NDUFV3: variants seen among roughly 807,000 people sequenced by gnomAD.
The protein encoded by NDUFV3 is NADH:ubiquinone oxidoreductase subunit V3, also known as NADH dehydrogenase [ubiquinone] flavoprotein 3, mitochondrial.
In NDUFV3, 44 loss-of-function variants were observed where a neutral mutation model predicts 37.5. That is an observed-to-expected ratio of 1.17 (90% CI 0.92 to 1.51). The LOEUF (loss-of-function observed/expected upper bound fraction) is 1.51, where lower values mean the gene tolerates loss of function less well. Ranked by LOEUF, NDUFV3 falls within the 40% of genes most tolerant of loss-of-function variation. NDUFV3 has a pLI of 0.00. For synonymous variants in NDUFV3, 235 were observed against 239.3 expected (o/e 0.98, Z 0.17); for missense variants, 580 against 580.4 (o/e 1.00, Z 0.01).
chr21:42,912,288 T>C lies in NDUFV3; in HGVS notation c.*3267T>C, dbSNP rs968622260. 4 of 152,184 alleles carry C rather than the reference T, an allele frequency of 2.6e-5. No homozygotes were observed. The highest frequency in any genetic ancestry group is 5.9e-5 in the Non-Finnish European group (4 of 68,028). 9.4% of individuals were successfully genotyped at this position (152,184 alleles called of 1,614,324 possible). A position where few individuals can be genotyped will look rare whatever the true frequency, so the allele number is the denominator to read the frequency against. On this transcript the variant is annotated 3_prime_UTR_variant, in exon 4 of 4. Transcript: ENST00000354250. ...AGAACTAGTCCTGTTGGGCTAGTCT[T>C]TCTGGGATTTTGGTTTACTCTCCTC...
rs10583572 is a variant in NDUFV3 at position 42,905,863 on chromosome 21, A to AT, written c.1264+1604dup. 3.0e-3 allele frequency among the ~76,000 whole-genome samples: 401 copies of AT among 132,926 alleles called. 2 individuals carry two copies. The highest frequency in any genetic ancestry group is 4.8e-3 in the East Asian group (21 of 4,342). The allele number at this position is 132,926 out of a possible 152,430, so 87.2% of individuals were successfully genotyped here. On this transcript the variant is annotated intron_variant, in intron 3 of 3. Transcript: ENST00000354250. ...CAGTATTTATTCCTATGATGTTACCATTTTTTTTTTTTTTTTTGGAGATGG... is the reference window on the plus strand; with the variant it reads ...CAGTATTTATTCCTATGATGTTACCATTTTTTTTTTTTTTTTTTGGAGATGG...
At chr21:42,904,837 C>T (rs2058734683) in intron 3 of NDUFV3, among the ~76,000 whole-genome samples, 1 of 149,864 alleles carries the variant, frequency 6.7e-6, no homozygotes, top group South Asian at 2.1e-4. Flanking sequence ...CATCTCCAGG[C>T]TGGAGTGTAA....
At chr21:42,894,232 C>T (rs188798096) in intron 1 of NDUFV3, among the ~76,000 whole-genome samples, 1 of 137,868 alleles carries the variant, frequency 7.3e-6, no homozygotes, top group East Asian at 2.0e-4. Flanking sequence ...GCTAAGACCA[C>T]TTCACTCTCT....
rs777733176 is a variant in NDUFV3 at position 42,904,246 on chromosome 21, G to A, written c.1234G>A (p.Ala412Thr). 14 of 1,609,130 alleles carry A rather than the reference G, an allele frequency of 8.7e-6. No individual in the cohort carries two copies. In the East Asian group the frequency reaches 8.9e-5, roughly 10 times the overall value. ...AEGEAMEDAAAPGDDRGGTQE... is the reference protein window; with the variant it reads ...AEGEAMEDAATPGDDRGGTQE... ...GGGCGAGGCCATGGAAGATGCAGCC[G>A]CGCCAGGGGACGACCGAGGCGGCAC... The change falls in exon 3 of 4, where the codon GCG (alanine) becomes ACG (threonine). Residue 412 changes from alanine to threonine, a missense_variant. Coordinates refer to ENST00000354250, the MANE Select transcript of NDUFV3 (RefSeq NM_021075.4).
chr21:42,906,437 G>C (rs961773789), intron 3 of NDUFV3, among the ~76,000 whole-genome samples: 2 of 152,110 alleles, frequency 1.3e-5, no homozygotes, highest in Admixed American at 1.3e-4. Flanking sequence ...CTCTCCGTCT[G>C]CTCTTTGATC....
At chr21:42,900,339 C>T (rs1256577004) in intron 2 of NDUFV3, among the ~76,000 whole-genome samples, 2 of 151,624 alleles carry the variant, frequency 1.3e-5, no homozygotes, top group East Asian at 3.9e-4. Flanking sequence ...CCTGTCTCTA[C>T]TAAAAATACA....
intron 1 of NDUFV3, among the ~76,000 whole-genome samples, chr21:42,896,718 A>G (rs1313885980): frequency 2.0e-5 from 3 of 152,082 alleles, no homozygotes; most frequent in Non-Finnish European, 4.4e-5. Context: ...CAGGCATGGT[A>G]GTATGTGCCT....
At position 42,894,334 on chromosome 21, in the gene NDUFV3, T is replaced by TTA. The variant is rs1228361133; in HGVS notation, c.48+961_48+962dup. Among the ~76,000 whole-genome samples, 3 of 51,864 alleles carry TTA rather than the reference T, an allele frequency of 5.8e-5. 1 individual carries two copies. The Admixed American group carries it at 6.5e-4, about 11-fold the overall frequency. 34.0% of individuals were successfully genotyped at this position (51,864 alleles called of 152,430 possible). A position where few individuals can be genotyped will look rare whatever the true frequency, so the allele number is the denominator to read the frequency against. ...GTGTATATATATATATAAATACATA[T>TTA]TATATATATTATATATAAATATATA... is the stretch of plus-strand genomic sequence containing the variant. On this transcript the variant is annotated intron_variant, in intron 1 of 3. Transcript: ENST00000354250.
intron 1 of NDUFV3, among the ~76,000 whole-genome samples, chr21:42,894,358 T>C (rs2058674051): frequency 2.5e-5 from 1 of 40,018 alleles, no homozygotes; most frequent in Non-Finnish European, 4.0e-5. Context: ...TATAAATATA[T>C]ATTATATATA....
intron 3 of NDUFV3, 136 bp downstream of exon 3, chr21:42,904,412 C>T: frequency 1.7e-6 from 2 of 1,162,862 alleles, no homozygotes; most frequent in Non-Finnish European, 2.5e-6. Flanking sequence ...GTAACGCTGT[C>T]TCAGCCAGGC....
intron 3 of NDUFV3, chr21:42,906,745 A>G: frequency 2.4e-6 from 1 of 422,726 alleles, no homozygotes; most frequent in South Asian, 1.7e-5. Context: ...CTGGCCTTCC[A>G]GGTAGAGTGG....
Position 42,913,055 on chromosome 21 carries a change from C to T in NDUFV3, c.*4034C>T, listed in dbSNP as rs2058777482. The T allele has an allele frequency of 6.6e-6, 1 of 152,202 alleles. No individual in the cohort carries two copies. Among genetic ancestry groups the T allele is most frequent in the African/African-American group, 2.4e-5 (1 of 41,442 alleles). 9.4% of individuals were successfully genotyped at this position (152,202 alleles called of 1,614,324 possible). A position where few individuals can be genotyped will look rare whatever the true frequency, so the allele number is the denominator to read the frequency against. ...CTCCAGCCTGGGCGACAGAGCAAGA[C>T]TCCGTCTCAAAAAATAAATTAATTA... is the stretch of plus-strand genomic sequence containing the variant. On this transcript the variant is annotated 3_prime_UTR_variant, in exon 4 of 4. Coordinates refer to ENST00000354250, the MANE Select transcript of NDUFV3 (RefSeq NM_021075.4).
chr21:42,896,704 T>C (rs2058693004), intron 1 of NDUFV3, among the ~76,000 whole-genome samples: 2 of 152,032 alleles, frequency 1.3e-5, no homozygotes, highest in African/African-American at 4.8e-5. Flanking sequence ...TAAAAAATAT[T>C]AGCCAGGCAT....
Position 42,900,319 on chromosome 21 carries a change from T to G in NDUFV3, c.170-2863T>G, listed in dbSNP as rs547078326. ...GAGTTCGAGAACAGCCTGGCCAATATGGTGAAACCCCTGTCTCTACTAAAA... is the reference window on the plus strand; with the variant it reads ...GAGTTCGAGAACAGCCTGGCCAATAGGGTGAAACCCCTGTCTCTACTAAAA... On this transcript the variant is annotated intron_variant, in intron 2 of 3. Transcript: ENST00000354250. 6.3e-4 allele frequency among the ~76,000 whole-genome samples: 96 copies of G among 152,124 alleles called. 1 individual carries two copies. In the South Asian group the frequency reaches 0.018, roughly 29 times the overall value.
At position 42,897,530 on chromosome 21, in the gene NDUFV3, C is replaced by T. The variant is rs536774525; in HGVS notation, c.169+483C>T. 1.6e-4 allele frequency among the ~76,000 whole-genome samples: 25 copies of T among 152,240 alleles called. No homozygotes were observed. The East Asian group carries it at 1.7e-3, about 11-fold the overall frequency. On this transcript the variant is annotated intron_variant, in intron 2 of 3. Coordinates refer to ENST00000354250, the MANE Select transcript of NDUFV3 (RefSeq NM_021075.4). ...CTGGGACTACAGGCATGTGCCACCA[C>T]GTCTGGCTAATTTTTTGTATTTTTA...
rs112072653 is a variant in NDUFV3 at position 42,902,535 on chromosome 21, T to A, written c.170-647T>A. Reference sequence around the variant, plus strand: ...AAGCAGAAAAGAGATTCAGGAAATTTGAGTTCTATTTTGAGGTGACAGGGA... The same window carrying A: ...AAGCAGAAAAGAGATTCAGGAAATTAGAGTTCTATTTTGAGGTGACAGGGA... On this transcript the variant is annotated intron_variant, in intron 2 of 3. Coordinates refer to ENST00000354250, the MANE Select transcript of NDUFV3 (RefSeq NM_021075.4). Among the ~76,000 whole-genome samples, 406 of 152,316 alleles carry A rather than the reference T, an allele frequency of 2.7e-3. 4 individuals carry two copies. The highest frequency in any genetic ancestry group is 9.1e-3 in the African/African-American group (380 of 41,568).
Position 42,903,203 on chromosome 21 carries a change from G to A in NDUFV3, c.191G>A (p.Arg64Lys), listed in dbSNP as rs1477108407. 2 of 1,614,154 alleles carry A rather than the reference G, an allele frequency of 1.2e-6. No individual in the cohort carries two copies. Among genetic ancestry groups the A allele is most frequent in the Non-Finnish European group, 1.7e-6 (2 of 1,180,040 alleles). ...PPKNVVEPKE[R>K]GKLLATQTAA... is the part of the protein sequence containing the mutation. ...CCAGATGTAGTGGAACCAAAGGAGA[G>A]GGGCAAGCTCCTAGCCACCCAGACA... is the stretch of plus-strand genomic sequence containing the variant. Residue 64 changes from arginine (R) to lysine (K), a missense_variant, in exon 3 of 4, where the codon AGG becomes AAG. Transcript: ENST00000354250.
intron 2 of NDUFV3, among the ~76,000 whole-genome samples, chr21:42,897,518 CAT>C (rs2058697929): frequency 3.9e-5 from 6 of 152,208 alleles, no homozygotes; most frequent in Admixed American, 3.9e-4. Context: ...GGACTACAGG[CAT>C]GTGCCACCAC....
rs1274877108 is a variant in NDUFV3 at position 42,894,422 on chromosome 21, T to C, written c.48+1041T>C. Among the ~76,000 whole-genome samples the C allele has an allele frequency of 4.8e-5, 2 of 41,842 alleles. 1 individual carries two copies. The highest frequency in any genetic ancestry group is 7.6e-5 in the Non-Finnish European group (2 of 26,166). The allele number at this position is 41,842 out of a possible 152,430, so 27.4% of individuals were successfully genotyped here. ...TATATTTATATAATATATAATATAT[T>C]ATATAAATATATATTATATAATATA... On this transcript the variant is annotated intron_variant, in intron 1 of 3. Transcript: ENST00000354250.
Sources: gnomAD v4.1 joint callset for allele counts (sites outside exome capture counted in the v4.1 genomes callset) on GRCh38, gnomAD v4.1.1 for gene constraint, MANE v1.5 for transcripts, NCBI Gene and HGNC (gene_info 2026-07-23, HGNC 2026-07-21) for gene names.